VPS36: variants seen among roughly 807,000 people sequenced by gnomAD.
VPS36 encodes the protein vacuolar protein-sorting-associated protein 36.
Under a neutral mutation model 63.5 loss-of-function variants are expected in VPS36, and 31 were observed. The ratio of observed to expected loss-of-function variants is 0.49; its 90% confidence interval spans 0.37 to 0.66. The LOEUF (loss-of-function observed/expected upper bound fraction) is 0.66, where lower values mean the gene tolerates loss of function less well. Among genes scored for constraint, VPS36 ranks in the 30% least tolerant of loss-of-function variants. VPS36 has a pLI of 0.00. For missense variants in VPS36, 338 were observed against 463.7 expected, an observed-to-expected ratio of 0.73 and a Z score of 2.49; for synonymous variants, 138 against 157.2, an observed-to-expected ratio of 0.88 and a Z score of 0.91.
In VPS36 at chr13:52,423,576, C is replaced by T; in HGVS notation, c.838G>A (p.Glu280Lys). The T allele has an allele frequency of 6.2e-7, 1 of 1,611,634 alleles. No individual in the cohort carries two copies. Among genetic ancestry groups the T allele is most frequent in the Non-Finnish European group, 8.5e-7 (1 of 1,178,586 alleles). Reference protein sequence around the residue: ...YCLVNRARGMELLSPEDLVNA... With the variant: ...YCLVNRARGMKLLSPEDLVNA... ...GTATTTAAATTTTCTATCCTTACTT[C>T]CATTCCTCGAGCTCGGTTTACTAAG... Residue 280 changes from glutamate (E) to lysine (K), a missense_variant and splice_region_variant, in exon 10 of 14, where the codon GAA becomes AAA. By Grantham distance (56) the Glu-to-Lys change is moderately conservative. Transcript: ENST00000378060.
chr13:52,449,506 T>C (rs1958378029), intron 1 of VPS36, among the ~76,000 whole-genome samples: 1 of 152,132 alleles, frequency 6.6e-6, no homozygotes, highest in Non-Finnish European at 1.5e-5. Flanking sequence ...CACCTGTGCC[T>C]CTAAATAGCT....
intron 12 of VPS36, 61 bp from the exon 13 acceptor site, chr13:52,416,154 C>T: frequency 6.6e-7 from 1 of 1,521,868 alleles, no homozygotes; most frequent in African/African-American, 1.4e-5. Context: ...TTTAAACACA[C>T]TCTGGGTTCT....
intron 6 of VPS36, among the ~76,000 whole-genome samples, chr13:52,430,206 G>A (rs1958141515): frequency 1.3e-5 from 2 of 151,836 alleles, no homozygotes. Flanking sequence ...GTGAAAAAGA[G>A]GAAAACTTTC....
At chr13:52,434,963 C>CT (rs981154726) in intron 4 of VPS36, 81 bp from the exon 5 acceptor site, 52 of 1,050,386 alleles carry the variant, frequency 5.0e-5, no homozygotes, top group East Asian at 2.0e-4. Flanking sequence ...ACATTTCTTT[C>CT]TTTTTTTCTT....
At chr13:52,439,299 T>G in intron 2 of VPS36, 131 bp from the exon 3 acceptor site, 1 of 720,480 alleles carries the variant, frequency 1.4e-6, no homozygotes, top group Non-Finnish European at 2.1e-6. Context: ...AATAATGATT[T>G]TACTCCTTAA....
chr13:52,426,195 G>T, intron 8 of VPS36, 129 bp from the exon 9 acceptor site: 1 of 1,195,136 alleles, frequency 8.4e-7, no homozygotes, highest in Non-Finnish European at 1.2e-6. Context: ...TTTCTATGCT[G>T]TGAACTATAA....
intron 3 of VPS36, among the ~76,000 whole-genome samples, chr13:52,437,698 A>C (rs559387367): frequency 7.2e-5 from 11 of 152,290 alleles, no homozygotes; most frequent in African/African-American, 2.6e-4. Context: ...TGGGAGGCTG[A>C]GGCGGGTGGA....
At chr13:52,449,826 A>C in intron 1 of VPS36, 1 of 699,760 alleles carries the variant, frequency 1.4e-6, no homozygotes, top group Non-Finnish European at 1.8e-6. Context: ...TACTATTAAT[A>C]TAACACTTTA....
intron 3 of VPS36, among the ~76,000 whole-genome samples, chr13:52,437,798 T>C (rs920010250): frequency 5.9e-5 from 9 of 151,904 alleles, no homozygotes; most frequent in Non-Finnish European, 1.2e-4. Flanking sequence ...GGCATGGTCG[T>C]GGGCGCCTGT....
At chr13:52,439,464 G>C (rs931054976) in intron 2 of VPS36, among the ~76,000 whole-genome samples, 1 of 147,732 alleles carries the variant, frequency 6.8e-6, no homozygotes, top group Non-Finnish European at 1.5e-5. Context: ...ATTTTTTTTT[G>C]AGGCGGAGTC....
intron 6 of VPS36, among the ~76,000 whole-genome samples, chr13:52,431,731 C>T (rs1392997058): frequency 6.8e-6 from 1 of 148,148 alleles, no homozygotes; most frequent in Non-Finnish European, 1.5e-5. Flanking sequence ...GCACTGCACT[C>T]CAGCCTAAGC....
chr13:52,442,472 T>C (rs1414552889), intron 1 of VPS36, 27 bp from the exon 2 acceptor site: 5 of 1,592,654 alleles, frequency 3.1e-6, no homozygotes, highest in Non-Finnish European at 4.3e-6. Context: ...TCACAAAATA[T>C]TAATAACATA....
intron 1 of VPS36, among the ~76,000 whole-genome samples, chr13:52,449,118 C>T (rs1422872752): frequency 1.3e-5 from 2 of 152,116 alleles, no homozygotes; most frequent in African/African-American, 4.8e-5. Flanking sequence ...CCCAGGCGGG[C>T]GGATCATTTG....
rs1297456720 is a variant in VPS36, at chr13:52,412,711, A to G, written c.*3119T>C. 1 of 152,256 alleles carries G rather than the reference A, an allele frequency of 6.6e-6. No homozygotes were observed. The highest frequency in any genetic ancestry group is 2.4e-5 in the African/African-American group (1 of 41,474). 9.4% of individuals were successfully genotyped at this position (152,256 alleles called of 1,614,324 possible). A position where few individuals can be genotyped will look rare whatever the true frequency, so the allele number is the denominator to read the frequency against. On this transcript the variant is annotated 3_prime_UTR_variant, in exon 14 of 14. Coordinates refer to ENST00000378060, the MANE Select transcript of VPS36 (RefSeq NM_016075.4). ...AATATAGGTAGGAGTTCATTCATTC[A>G]GTAAATATTTATTGAATGCTTATTG...
chr13:52,439,933 A>C (rs1216426270), intron 2 of VPS36, among the ~76,000 whole-genome samples: 1 of 152,034 alleles, frequency 6.6e-6, no homozygotes, highest in East Asian at 1.9e-4. Flanking sequence ...AATTATTAAC[A>C]GTTTTAAACA....
At chr13:52,434,955 A>G in intron 4 of VPS36, 73 bp from the exon 5 acceptor site, 1 of 1,296,826 alleles carries the variant, frequency 7.7e-7, no homozygotes, top group Non-Finnish European at 1.1e-6. Context: ...ATTACTTAAC[A>G]TTTCTTTCTT....
chr13:52,425,911 A>G, intron 9 of VPS36, 21 bp downstream of exon 9: 1 of 1,595,594 alleles, frequency 6.3e-7, no homozygotes, highest in Non-Finnish European at 8.5e-7. Context: ...TTAAAAAAAA[A>G]CACATAGGTT....
At chr13:52,428,560 C>G (rs116691552) in intron 6 of VPS36, among the ~76,000 whole-genome samples, 1 of 152,348 alleles carries the variant, frequency 6.6e-6, no homozygotes, top group African/African-American at 2.4e-5. Flanking sequence ...GGATTCTTAT[C>G]AGCTAGAGCC....
At chr13:52,448,096 C>T (rs983477822) in intron 1 of VPS36, among the ~76,000 whole-genome samples, 1 of 152,180 alleles carries the variant, frequency 6.6e-6, no homozygotes, top group Non-Finnish European at 1.5e-5. Flanking sequence ...CTAGGAGATA[C>T]AAGGATGAGC....
Sources: gnomAD v4.1 joint callset for allele counts (sites outside exome capture counted in the v4.1 genomes callset) on GRCh38, gnomAD v4.1.1 for gene constraint, MANE v1.5 for transcripts, NCBI Gene and HGNC (gene_info 2026-07-23, HGNC 2026-07-21) for gene names.